SRPRA: variants seen among roughly 807,000 people sequenced by gnomAD.
The protein encoded by SRPRA is SRP receptor subunit alpha, also known as signal recognition particle receptor subunit alpha.
Under a neutral mutation model 61.1 loss-of-function variants are expected in SRPRA, and 30 were observed. That is an observed-to-expected ratio of 0.49 (90% CI 0.37 to 0.67). The LOEUF is 0.67. SRPRA is among the 30% of genes least tolerant of loss of function. The pLI, the probability that SRPRA is intolerant of heterozygous loss-of-function variation, is 0.00. For missense variants in SRPRA, 759 were observed against 828.4 expected (o/e 0.92, Z 1.03); for synonymous variants, 324 against 299.7 (o/e 1.08, Z -0.84).
chr11:126,267,149 A>G lies in SRPRA; in HGVS notation c.526+26T>C, dbSNP rs1261551978. ...ACCGTGTTAACACCTTTCATGTCCC[A>G]GTATATCCAAAGAACTCAAACTTGC... On this transcript the variant is annotated intron_variant, in intron 4 of 13. Transcript: ENST00000332118. The surrounding 1 kb of genome is among the most constrained non-coding windows in gnomAD (Gnocchi z 4.2). The G allele has an allele frequency of 6.2e-7, 1 of 1,613,650 alleles. No individual in the cohort carries two copies. The highest frequency in any genetic ancestry group is 1.1e-5 in the South Asian group (1 of 91,042).
Position 126,264,579 on chromosome 11 carries a change from C to T in SRPRA, c.1526-40G>A, listed in dbSNP as rs1458279168. 1.9e-6 allele frequency: 3 copies of T among 1,605,376 alleles called. No homozygotes were observed. Among genetic ancestry groups the T allele is most frequent in the Middle Eastern group, 4.5e-4 (2 of 4,470 alleles). On this transcript the variant is annotated intron_variant, in intron 11 of 13. Transcript: ENST00000332118. This position sits in a 1 kb window ranked among gnomAD's most constrained non-coding sequence, Gnocchi z 5.0. ...TAGTCAACTCTGAACACCTGGACTA[C>T]CACTCATGCTCGTTCCCAGCTTCCT...
Position 126,265,886 on chromosome 11 carries a change from G to A in SRPRA, c.1052-63C>T, listed in dbSNP as rs929884737. ...GCAATGACCAATCTTTATGGTACAG[G>A]TGAGAAACGCTAGGTGATTCTGCTC... On this transcript the variant is annotated intron_variant, in intron 8 of 13. Transcript: ENST00000332118. This position sits in a 1 kb window ranked among gnomAD's most constrained non-coding sequence, Gnocchi z 6.3. The A allele has an allele frequency of 3.3e-5, 53 of 1,611,186 alleles. No homozygotes were observed. The highest frequency in any genetic ancestry group is 3.0e-5 in the Non-Finnish European group (35 of 1,177,420).
chr11:126,264,181 T>G lies in SRPRA; in HGVS notation c.1788+10A>C. 1.2e-6 allele frequency: 2 copies of G among 1,613,746 alleles called. No homozygotes were observed. Reference sequence around the variant, plus strand: ...AGGACGCCCATTCCAGCCTCCAGTCTCACGTTTACCTTGTCATCAATGGTA... The same window carrying G: ...AGGACGCCCATTCCAGCCTCCAGTCGCACGTTTACCTTGTCATCAATGGTA... On this transcript the variant is annotated intron_variant, in intron 13 of 13. Transcript: ENST00000332118. This position sits in a 1 kb window ranked among gnomAD's most constrained non-coding sequence, Gnocchi z 5.0.
Position 126,263,877 on chromosome 11 carries a change from G to T in SRPRA, c.*39C>A. The T allele has an allele frequency of 6.2e-7, 1 of 1,610,584 alleles. No homozygotes were observed. The highest frequency in any genetic ancestry group is 8.5e-7 in the Non-Finnish European group (1 of 1,178,588). ...ATTCTTGATACAGGAAGAAGGGCTT[G>T]TGGGGAAAGCGGCGATTTGGTATTG... On this transcript the variant is annotated 3_prime_UTR_variant, in exon 14 of 14. Transcript: ENST00000332118.
At chr11:126,253,300 T>C in the SRPRA span, among the ~76,000 whole-genome samples, 1 of 152,318 alleles carries the variant, frequency 6.6e-6, no homozygotes, top group Non-Finnish European at 1.5e-5. The surrounding 1 kb of genome is among the most constrained non-coding windows in gnomAD (Gnocchi z 5.1). Context: ...GAATGGGGCC[T>C]AGTAACATTC....
At chr11:126,254,473 C>T in the SRPRA span, 1 of 1,609,544 alleles carries the variant, frequency 6.2e-7, no homozygotes, top group Non-Finnish European at 8.5e-7. Context: ...GAACTCCTTC[C>T]TGGGAAATCT....
the SRPRA span, among the ~76,000 whole-genome samples, chr11:126,239,818 T>C: frequency 6.6e-6 from 1 of 152,072 alleles, no homozygotes; most frequent in South Asian, 2.1e-4. Flanking sequence ...CTGGCCTCGG[T>C]TTTTCATATT....
the SRPRA span, among the ~76,000 whole-genome samples, chr11:126,254,776 TG>T: frequency 6.6e-6 from 1 of 152,136 alleles, no homozygotes; most frequent in Non-Finnish European, 1.5e-5. Flanking sequence ...TAGTGAGCTG[TG>T]TCTAGAGCCA....
chr11:126,239,659 G>A, the SRPRA span, among the ~76,000 whole-genome samples: 2 of 152,104 alleles, frequency 1.3e-5, no homozygotes, highest in Non-Finnish European at 2.9e-5. Flanking sequence ...GACTACAGGT[G>A]TGCGCCACCA....
chr11:126,237,106 C>T, the SRPRA span, among the ~76,000 whole-genome samples: 11 of 147,502 alleles, frequency 7.5e-5, no homozygotes, highest in African/African-American at 2.5e-4. Flanking sequence ...TTAGTAGAGA[C>T]GGGATTTCAC....
chr11:126,240,928 G>A, the SRPRA span: 15 of 1,614,174 alleles, frequency 9.3e-6, no homozygotes, highest in Admixed American at 1.7e-5. Flanking sequence ...CTTACTGGAT[G>A]CTGCCATTGA....
At chr11:126,251,090 A>G in the SRPRA span, among the ~76,000 whole-genome samples, 1 of 152,146 alleles carries the variant, frequency 6.6e-6, no homozygotes, top group Non-Finnish European at 1.5e-5. Flanking sequence ...TATGGCATCT[A>G]TTGGAAATGT....
the SRPRA span, among the ~76,000 whole-genome samples, chr11:126,237,680 TAAAAAAAAAAA>T: frequency 7.0e-5 from 6 of 85,932 alleles, no homozygotes; most frequent in East Asian, 1.4e-3. Context: ...CTGTCTCTAC[TAAAAAAAAAAA>T]AAAAAAAAAA....
chr11:126,268,539 G>C (rs1950870600), intron 1 of SRPRA, 149 bp downstream of exon 1: 2 of 662,240 alleles, frequency 3.0e-6, no homozygotes, highest in African/African-American at 1.9e-5. Context: ...TGAAGGGGAC[G>C]AGAAAACGAA....
At position 126,265,934 on chromosome 11, in the gene SRPRA, T is replaced by C. The variant is rs1950801123; in HGVS notation, c.1051+29A>G. The C allele has an allele frequency of 1.2e-6, 2 of 1,612,270 alleles. No individual in the cohort carries two copies. Among genetic ancestry groups the C allele is most frequent in the Non-Finnish European group, 1.7e-6 (2 of 1,178,494 alleles). ...CTCTCAACTACCCCTATCCCGCGAGTATGAGTCAGCCCGGTCCTCAGAACT... is the reference window on the plus strand; with the variant it reads ...CTCTCAACTACCCCTATCCCGCGAGCATGAGTCAGCCCGGTCCTCAGAACT... On this transcript the variant is annotated intron_variant, in intron 8 of 13. Coordinates refer to ENST00000332118, the MANE Select transcript of SRPRA (RefSeq NM_003139.4). The surrounding 1 kb of genome is among the most constrained non-coding windows in gnomAD (Gnocchi z 6.3).
the SRPRA span, among the ~76,000 whole-genome samples, chr11:126,236,619 C>T: frequency 1.3e-5 from 2 of 152,198 alleles, no homozygotes; most frequent in African/African-American, 2.4e-5. Context: ...CTAGTACCTT[C>T]ACTTTGGAGA....
rs140866985 is a variant in SRPRA at position 126,265,541 on chromosome 11, A to C, written c.1139-101T>G. The C allele has an allele frequency of 4.9e-4, 678 of 1,374,692 alleles. 3 individuals are homozygous for C. The African/African-American group carries it at 8.7e-3, about 18-fold the overall frequency. 85.2% of individuals were successfully genotyped at this position (1,374,692 alleles called of 1,614,324 possible). A position where few individuals can be genotyped will look rare whatever the true frequency, so the allele number is the denominator to read the frequency against. On this transcript the variant is annotated intron_variant, in intron 9 of 13. Coordinates refer to ENST00000332118, the MANE Select transcript of SRPRA (RefSeq NM_003139.4). The surrounding 1 kb of genome is among the most constrained non-coding windows in gnomAD (Gnocchi z 6.3). Reference sequence around the variant, plus strand: ...GCTAAGGGGACTAAAACAGTAAATTAGACTCTTGTCCCAGAAATCCAGAAC... The same window carrying C: ...GCTAAGGGGACTAAAACAGTAAATTCGACTCTTGTCCCAGAAATCCAGAAC...
In SRPRA at chr11:126,265,192, A is replaced by G. The variant is rs753269809; in HGVS notation, c.1312-20T>C. On this transcript the variant is annotated intron_variant, in intron 10 of 13. Transcript: ENST00000332118. The surrounding 1 kb of genome is among the most constrained non-coding windows in gnomAD (Gnocchi z 6.3). ...GGAAATCTGTGAAAAAGACGTAAGA[A>G]AAGTCACCTAAAGCCAGGATTTTGA... 6.2e-7 allele frequency: 1 copy of G among 1,614,078 alleles called. No homozygotes were observed. The highest frequency in any genetic ancestry group is 1.1e-5 in the South Asian group (1 of 91,076).
the SRPRA span, chr11:126,240,762 C>A: frequency 1.3e-6 from 2 of 1,577,600 alleles, no homozygotes; most frequent in South Asian, 1.2e-5. Context: ...ATTGGATATT[C>A]CAATCCTCTC....
Sources: gnomAD v4.1 joint callset for allele counts (sites outside exome capture counted in the v4.1 genomes callset) on GRCh38, gnomAD v4.1.1 for gene constraint, Gnocchi (gnomAD v3.1) non-coding constraint, MANE v1.5 for transcripts, NCBI Gene and HGNC (gene_info 2026-07-23, HGNC 2026-07-21) for gene names.